Variants in PLG observed in about 807,000 individuals in gnomAD.
PLG encodes the protein plasmin.
PLG carries 41 observed loss-of-function variants against 104.4 expected under a neutral mutation model. That is an observed-to-expected ratio of 0.39 (90% CI 0.31 to 0.51). The LOEUF is 0.51. Among genes scored for constraint, PLG ranks in the 20% least tolerant of loss-of-function variants. PLG has a pLI of 0.76. For missense variants in PLG, 891 were observed against 1,003.6 expected, an observed-to-expected ratio of 0.89 and a Z score of 1.52; for synonymous variants, 337 against 357.1, an observed-to-expected ratio of 0.94 and a Z score of 0.63.
At position 160,726,925 on chromosome 6, in the gene PLG, T is replaced by C. The variant is rs1282928360; in HGVS notation, c.1257-4126T>C. Among the ~76,000 whole-genome samples, 1 of 151,898 alleles carries C rather than the reference T, an allele frequency of 6.6e-6. No individual in the cohort carries two copies. The highest frequency in any genetic ancestry group is 1.5e-5 in the Non-Finnish European group (1 of 67,852). On this transcript the variant is annotated intron_variant, in intron 10 of 18. Coordinates refer to ENST00000308192, the MANE Select transcript of PLG (RefSeq NM_000301.5). The surrounding 1 kb of genome is among the most constrained non-coding windows in gnomAD (Gnocchi z 4.4). ...AAGGTAAGTGGAAGGAAGGAAAGAATGAAAATCTGTGAAATCCAGTGTATA... is the reference window on the plus strand; with the variant it reads ...AAGGTAAGTGGAAGGAAGGAAAGAACGAAAATCTGTGAAATCCAGTGTATA...
rs776970597 is a variant in PLG, at chr6:160,711,126, G to A, written c.342G>A (p.Thr114=). The A allele has an allele frequency of 1.7e-5, 28 of 1,609,016 alleles. No homozygotes were observed. The highest frequency in any genetic ancestry group is 1.3e-4 in the East Asian group (6 of 44,874). ...GGAATGGAAAGAACTACAGAGGGAC[G>A]ATGTCCAAAACAAAAAATGGCATCA... ...KTGNGKNYRG[T]MSKTKNGITC... Residue 114 remains threonine (T), a synonymous_variant, in exon 4 of 19, where the codon ACG becomes ACA. Transcript: ENST00000308192.
chr6:160,711,035 G>A (rs774127258), intron 3 of PLG, 42 bp from the exon 4 acceptor site: 8 of 1,605,064 alleles, frequency 5.0e-6, no homozygotes, highest in East Asian at 2.2e-5. Flanking sequence ...TTCATGTGGT[G>A]TCTTGTGAAA....
In PLG at chr6:160,737,158, G is replaced by A; in HGVS notation, c.1802+151G>A. The A allele has an allele frequency of 1.5e-6, 1 of 674,646 alleles. No individual in the cohort carries two copies. Among genetic ancestry groups the A allele is most frequent in the African/African-American group, 1.9e-5 (1 of 53,868 alleles). 41.8% of individuals were successfully genotyped at this position (674,646 alleles called of 1,614,324 possible). A position where few individuals can be genotyped will look rare whatever the true frequency, so the allele number is the denominator to read the frequency against. On this transcript the variant is annotated intron_variant, in intron 14 of 18. Transcript: ENST00000308192. This position sits in a 1 kb window ranked among gnomAD's most constrained non-coding sequence, Gnocchi z 4.7. ...AAAAAAGCTACAAAAATTAATATATGTATATATACATATATATTTTTATAG... is the reference window on the plus strand; with the variant it reads ...AAAAAAGCTACAAAAATTAATATATATATATATACATATATATTTTTATAG...
rs1209060798 is a variant in PLG at position 160,740,017 on chromosome 6, G to A, written c.2018+809G>A. Among the ~76,000 whole-genome samples the A allele has an allele frequency of 6.6e-6, 1 of 152,304 alleles. No homozygotes were observed. The highest frequency in any genetic ancestry group is 1.9e-4 in the East Asian group (1 of 5,180). ...TAAGAAACAGCTATTTGTAGGAGAA[G>A]CAGGTTTGGGACAGGTGACAAGGCA... On this transcript the variant is annotated intron_variant, in intron 16 of 18. Coordinates refer to ENST00000308192, the MANE Select transcript of PLG (RefSeq NM_000301.5). This position sits in a 1 kb window ranked among gnomAD's most constrained non-coding sequence, Gnocchi z 5.2.
rs1269639295 is a variant in PLG, at chr6:160,741,717, T to C, written c.2125+300T>C. ...GGGGTACATGTGCAAGTTTCTTGTA[T>C]ATGTAAACAGTGGTTTGTCATGCAG... is the stretch of plus-strand genomic sequence containing the variant. On this transcript the variant is annotated intron_variant, in intron 17 of 18. Transcript: ENST00000308192. The surrounding 1 kb of genome is among the most constrained non-coding windows in gnomAD (Gnocchi z 4.7). 6.6e-6 allele frequency among the ~76,000 whole-genome samples: 1 copy of C among 152,234 alleles called. No homozygotes were observed. Among genetic ancestry groups the C allele is most frequent in the African/African-American group, 2.4e-5 (1 of 41,456 alleles).
chr6:160,711,548 A>G, intron 4 of PLG: 2 of 1,598,530 alleles, frequency 1.3e-6, no homozygotes, highest in Non-Finnish European at 1.7e-6. Flanking sequence ...TAATTTCATC[A>G]CTTTTAATTC....
intron 17 of PLG, among the ~76,000 whole-genome samples, chr6:160,748,790 G>A (rs1469954463): frequency 3.9e-5 from 6 of 152,304 alleles, no homozygotes; most frequent in South Asian, 4.1e-4. Context: ...TGACATTCTC[G>A]TGGCTGCAGA....
At chr6:160,750,435 A>G (rs1778384079) in intron 17 of PLG, among the ~76,000 whole-genome samples, 1 of 152,224 alleles carries the variant, frequency 6.6e-6, no homozygotes, top group African/African-American at 2.4e-5. Context: ...CCCCCTTATC[A>G]GCGTGTTTGC....
At chr6:160,711,948 T>C in intron 4 of PLG, 2 of 1,277,380 alleles carry the variant, frequency 1.6e-6, no homozygotes, top group Non-Finnish European at 2.0e-6. Context: ...CCCAGTTTGG[T>C]GTTAGGTGGC....
At position 160,737,562 on chromosome 6, in the gene PLG, C is replaced by T. The variant is rs1370661271; in HGVS notation, c.1802+555C>T. ...GAGTGATCAGTCCAATCCCAGGGAACCTGGACATTTTGGGTATTGTTTCAG... is the reference window on the plus strand; with the variant it reads ...GAGTGATCAGTCCAATCCCAGGGAATCTGGACATTTTGGGTATTGTTTCAG... On this transcript the variant is annotated intron_variant, in intron 14 of 18. Coordinates refer to ENST00000308192, the MANE Select transcript of PLG (RefSeq NM_000301.5). This position sits in a 1 kb window ranked among gnomAD's most constrained non-coding sequence, Gnocchi z 4.7. Among the ~76,000 whole-genome samples the T allele has an allele frequency of 6.6e-6, 1 of 152,188 alleles. No individual in the cohort carries two copies. The highest frequency in any genetic ancestry group is 2.4e-5 in the African/African-American group (1 of 41,450).
At position 160,719,481 on chromosome 6, in the gene PLG, C is replaced by A. The variant is rs992983863; in HGVS notation, c.1096+643C>A. Among the ~76,000 whole-genome samples, 6 of 152,040 alleles carry A rather than the reference C, an allele frequency of 3.9e-5. No individual in the cohort carries two copies. The highest frequency in any genetic ancestry group is 1.4e-4 in the African/African-American group (6 of 41,392). ...GATATATCTTTTAAATTTATCTGAGCTTTTAAATTGAGATGTTCAAACCAT... is the reference window on the plus strand; with the variant it reads ...GATATATCTTTTAAATTTATCTGAGATTTTAAATTGAGATGTTCAAACCAT... On this transcript the variant is annotated intron_variant, in intron 9 of 18. Coordinates refer to ENST00000308192, the MANE Select transcript of PLG (RefSeq NM_000301.5). The surrounding 1 kb of genome is among the most constrained non-coding windows in gnomAD (Gnocchi z 4.1).
Position 160,739,236 on chromosome 6 carries a change from C to T in PLG, c.2018+28C>T, listed in dbSNP as rs377337379. ...ACTCGTTCACCTGTGGTCTTCACCC[C>T]ACGCTGGTGAAGATATTTGCTTTAT... On this transcript the variant is annotated intron_variant, in intron 16 of 18. Coordinates refer to ENST00000308192, the MANE Select transcript of PLG (RefSeq NM_000301.5). The surrounding 1 kb of genome is among the most constrained non-coding windows in gnomAD (Gnocchi z 4.4). 7.7e-5 allele frequency: 124 copies of T among 1,613,756 alleles called. No individual in the cohort carries two copies. Among genetic ancestry groups the T allele is most frequent in the Non-Finnish European group, 1.0e-4 (122 of 1,179,822 alleles).
At chr6:160,745,578 C>T (rs117528117) in intron 17 of PLG, among the ~76,000 whole-genome samples, 55 of 152,248 alleles carry the variant, frequency 3.6e-4, no homozygotes, top group African/African-American at 1.2e-3. Context: ...AGGTAGCATA[C>T]CAGTGGGTCT....
chr6:160,711,821 C>T lies in PLG; in HGVS notation c.407+630C>T, dbSNP rs367907241. ...CAGGTTAGAACTCTCATCACATGTTCGACTCAAATTGTGGAGCAAAAGAGT... is the reference window on the plus strand; with the variant it reads ...CAGGTTAGAACTCTCATCACATGTTTGACTCAAATTGTGGAGCAAAAGAGT... On this transcript the variant is annotated intron_variant, in intron 4 of 18. Transcript: ENST00000308192. The T allele has an allele frequency of 2.8e-4, 421 of 1,481,246 alleles. 3 individuals are homozygous for T. The South Asian group carries it at 3.4e-3, about 12-fold the overall frequency. The allele number at this position is 1,481,246 out of a possible 1,614,324, so 91.8% of individuals were successfully genotyped here. A position where few individuals can be genotyped will look rare whatever the true frequency, so the allele number is the denominator to read the frequency against.
At chr6:160,721,095 A>G (rs1179902660) in intron 9 of PLG, among the ~76,000 whole-genome samples, 2 of 152,080 alleles carry the variant, frequency 1.3e-5, no homozygotes, top group Non-Finnish European at 2.9e-5. Flanking sequence ...CTTTGCTGAA[A>G]TTCTCTACCT....
At chr6:160,713,177 T>C (rs952695242) in intron 5 of PLG, 52 bp downstream of exon 5, 3 of 1,402,200 alleles carry the variant, frequency 2.1e-6, no homozygotes, top group African/African-American at 1.4e-5. Flanking sequence ...ACCTGTAAAA[T>C]AATTTGTTGT....
intron 17 of PLG, among the ~76,000 whole-genome samples, chr6:160,745,164 G>C (rs1778257853): frequency 1.3e-5 from 2 of 152,078 alleles, no homozygotes; most frequent in African/African-American, 4.8e-5. Flanking sequence ...AGGTCTATCA[G>C]ATCCATTTGG....
intron 9 of PLG, among the ~76,000 whole-genome samples, chr6:160,720,410 CTTTTTTTTTTTTTTT>C (rs3057066): frequency 1.7e-5 from 1 of 58,520 alleles, no homozygotes; most frequent in East Asian, 5.5e-4. Context: ...CTTTTCTTTT[CTTTTTTTTTTTTTTT>C]TTTTTTTTTT....
At chr6:160,702,513 G>A (rs545265198) in intron 1 of PLG, among the ~76,000 whole-genome samples, 160 bp downstream of exon 1, 8 of 152,306 alleles carry the variant, frequency 5.3e-5, no homozygotes, top group African/African-American at 1.4e-4. Flanking sequence ...CAAGAAATAA[G>A]TTTAAGTTTC....
Sources: gnomAD v4.1 joint callset for allele counts (sites outside exome capture counted in the v4.1 genomes callset) on GRCh38, gnomAD v4.1.1 for gene constraint, Gnocchi (gnomAD v3.1) non-coding constraint, MANE v1.5 for transcripts, NCBI Gene and HGNC (gene_info 2026-07-23, HGNC 2026-07-21) for gene names.